CHD6: variants seen among roughly 807,000 people sequenced by gnomAD.
The protein encoded by CHD6 is ATP-dependent chromatin remodeler CHD6.
CHD6 carries 50 observed loss-of-function variants against 276.9 expected under a neutral mutation model. The observed-to-expected ratio is 0.18, with a 90% CI of 0.14 to 0.23. The LOEUF (loss-of-function observed/expected upper bound fraction) is 0.23. Among genes scored for constraint, CHD6 ranks in the 10% least tolerant of loss-of-function variants. The pLI, the probability that CHD6 is intolerant of heterozygous loss-of-function variation, is 1.00. For synonymous variants in CHD6, 1,173 were observed against 1,229.3 expected (o/e 0.95, Z 0.96); for missense variants, 2,564 against 3,365.8 (o/e 0.76, Z 5.89).
intron 1 of CHD6, among the ~76,000 whole-genome samples, chr20:41,561,920 C>G (rs1200331432): frequency 6.6e-6 from 1 of 152,184 alleles, no homozygotes. Flanking sequence ...TATTTTCACC[C>G]ATGAGGTTAG....
intron 1 of CHD6, among the ~76,000 whole-genome samples, chr20:41,594,544 T>G (rs2045698028): frequency 6.6e-6 from 1 of 152,242 alleles, no homozygotes; most frequent in Non-Finnish European, 1.5e-5. Context: ...AAAACCATTT[T>G]CACCACCTAA....
intron 1 of CHD6, among the ~76,000 whole-genome samples, chr20:41,581,547 T>A (rs537196505): frequency 6.6e-6 from 1 of 151,966 alleles, no homozygotes; most frequent in African/African-American, 2.4e-5. Context: ...TGGTGGTGCG[T>A]GCCTATAGTC....
chr20:41,542,013 G>A (rs554856086), intron 2 of CHD6, among the ~76,000 whole-genome samples: 4 of 152,270 alleles, frequency 2.6e-5, no homozygotes, highest in African/African-American at 9.6e-5. Flanking sequence ...ATGCTGACAG[G>A]GAAGAATTAG....
At chr20:41,510,581 A>ACC (rs1428031152) in intron 5 of CHD6, among the ~76,000 whole-genome samples, 2 of 152,148 alleles carry the variant, frequency 1.3e-5, no homozygotes, top group Non-Finnish European at 1.5e-5. Flanking sequence ...CCATATATAA[A>ACC]CCCTCTGTTT....
intron 1 of CHD6, among the ~76,000 whole-genome samples, chr20:41,560,219 G>T (rs1245882676): frequency 6.6e-6 from 1 of 152,016 alleles, no homozygotes; most frequent in Admixed American, 6.5e-5. Context: ...AGTGGGTATT[G>T]TGTCTTAAAA....
At chr20:41,560,404 T>C (rs2045289490) in intron 1 of CHD6, among the ~76,000 whole-genome samples, 1 of 152,232 alleles carries the variant, frequency 6.6e-6, no homozygotes, top group Non-Finnish European at 1.5e-5. Flanking sequence ...TTGTGTGGTC[T>C]CATCCTTCAA....
Position 41,491,726 on chromosome 20 carries a change from T to G in CHD6, c.1408A>C (p.Asn470His). The G allele has an allele frequency of 6.2e-7, 1 of 1,613,884 alleles. No homozygotes were observed. Among genetic ancestry groups the G allele is most frequent in the Non-Finnish European group, 8.5e-7 (1 of 1,179,846 alleles). The change falls in exon 11 of 37, where the codon AAC (asparagine) becomes CAC (histidine). Residue 470 changes from asparagine to histidine, a missense_variant. Coordinates refer to ENST00000373233, the MANE Select transcript of CHD6 (RefSeq NM_032221.5). ...QLREYQLEGM[N>H]WLLFNWYNRK... is the part of the protein sequence containing the mutation. ...TTATACCAGTTAAAAAGAAGCCAGT[T>G]CATCCCTTCCAGCTGGTACTCCCGG...
Position 41,451,870 on chromosome 20 carries a change from G to A in CHD6, c.3479C>T (p.Thr1160Ile). The stretch of plus-strand genomic sequence containing the variant: ...CTGGGCTTGCCCATCTTTGGTAGGT[G>A]TGATCAGTTCCCAAATGAAACTCTT... The part of the protein sequence containing the change: ...KIKSFIWELI[T>I]PTKDGQAQTL... The change falls in exon 22 of 37, where the codon ACA (threonine) becomes ATA (isoleucine). Residue 1160 changes from threonine (T) to isoleucine (I), a missense_variant. By Grantham distance (89) the Thr-to-Ile change is moderately conservative (BLOSUM62 -1). Coordinates refer to ENST00000373233, the MANE Select transcript of CHD6 (RefSeq NM_032221.5). The A allele has an allele frequency of 6.2e-7, 1 of 1,614,160 alleles. No individual in the cohort carries two copies. Among genetic ancestry groups the A allele is most frequent in the Non-Finnish European group, 8.5e-7 (1 of 1,180,004 alleles).
At chr20:41,615,493 T>C (rs1397317567) in intron 1 of CHD6, among the ~76,000 whole-genome samples, 1 of 152,202 alleles carries the variant, frequency 6.6e-6, no homozygotes, top group Non-Finnish European at 1.5e-5. Context: ...TTCACTTGAA[T>C]TAAACTAAAG....
chr20:41,450,895 A>G (rs1389454935), intron 23 of CHD6, 51 bp downstream of exon 23: 1 of 1,550,092 alleles, frequency 6.5e-7, no homozygotes, highest in Admixed American at 1.7e-5. Context: ...CCAGGAATCG[A>G]AGCAGTCTGA....
At chr20:41,562,736 T>A (rs896422629) in intron 1 of CHD6, among the ~76,000 whole-genome samples, 1 of 152,178 alleles carries the variant, frequency 6.6e-6, no homozygotes, top group Non-Finnish European at 1.5e-5. Flanking sequence ...AAGAGGGCCA[T>A]GAGGACAGGG....
chr20:41,413,360 C>T lies in CHD6; in HGVS notation c.7095G>A (p.Gln2365=). Residue 2365 remains glutamine, a synonymous_variant, in exon 35 of 37, where the codon CAG becomes CAA. Transcript: ENST00000373233. ...SKSLLDWLRQ[Q]ADYSLEVPGF... ...CAGGAACTTCTAAGGAGTAGTCAGC[C>T]TGCTGCCTTAGCCAGTCAAGCAGAC... 1 of 1,611,234 alleles carries T rather than the reference C, an allele frequency of 6.2e-7. No individual in the cohort carries two copies. The highest frequency in any genetic ancestry group is 8.5e-7 in the Non-Finnish European group (1 of 1,179,570).
At chr20:41,502,309 C>T (rs543571342) in intron 5 of CHD6, among the ~76,000 whole-genome samples, 1 of 152,192 alleles carries the variant, frequency 6.6e-6, no homozygotes, top group South Asian at 2.1e-4. Context: ...TCTAAATTAT[C>T]AATATGTAAT....
At chr20:41,581,882 C>G (rs1601164477) in intron 1 of CHD6, among the ~76,000 whole-genome samples, 1 of 152,120 alleles carries the variant, frequency 6.6e-6, no homozygotes, top group African/African-American at 2.4e-5. Flanking sequence ...CCCTCAAAAC[C>G]TTATTGTCAA....
At chr20:41,488,685 G>A in intron 12 of CHD6, 81 bp from the exon 13 acceptor site, 1 of 1,240,042 alleles carries the variant, frequency 8.1e-7, no homozygotes, top group Non-Finnish European at 1.1e-6. Context: ...ACAGGAGGCA[G>A]CACTACAGAT....
rs201490165 is a variant in CHD6, at chr20:41,517,875, G to GT, written c.555-2924dup. 7.6e-3 allele frequency among the ~76,000 whole-genome samples: 1,152 copies of GT among 152,302 alleles called. 18 individuals are homozygous for GT. The highest frequency in any genetic ancestry group is 0.026 in the African/African-American group (1,089 of 41,562). On this transcript the variant is annotated intron_variant, in intron 3 of 36. Transcript: ENST00000373233. ...ACAGGGTATTACTTTTTCATACCAA[G>GT]TCATGTATTTTGCCTCTTTTTTTCT... is the stretch of plus-strand genomic sequence containing the variant.
chr20:41,608,871 A>G (rs2045856516), intron 1 of CHD6, among the ~76,000 whole-genome samples: 1 of 152,238 alleles, frequency 6.6e-6, no homozygotes, highest in Non-Finnish European at 1.5e-5. Context: ...TAAATATGCA[A>G]CACAGTCAAG....
At chr20:41,532,361 C>T (rs1476466487) in intron 3 of CHD6, among the ~76,000 whole-genome samples, 1 of 152,174 alleles carries the variant, frequency 6.6e-6, no homozygotes, top group Non-Finnish European at 1.5e-5. Context: ...CCTAGTCAGT[C>T]CTCATCTATC....
chr20:41,524,313 A>G (rs1423931277), intron 3 of CHD6, among the ~76,000 whole-genome samples: 1 of 152,206 alleles, frequency 6.6e-6, no homozygotes, highest in East Asian at 1.9e-4. Context: ...AAAAGACCCT[A>G]ATTATTTTGG....
Sources: gnomAD v4.1 joint callset for allele counts (sites outside exome capture counted in the v4.1 genomes callset) on GRCh38, gnomAD v4.1.1 for gene constraint, MANE v1.5 for transcripts, NCBI Gene and HGNC (gene_info 2026-07-23, HGNC 2026-07-21) for gene names.